TENT5C: variants seen among roughly 807,000 people sequenced by gnomAD.
TENT5C encodes the protein family with sequence similarity 46 member C.
TENT5C carries 5 observed loss-of-function variants against 22.2 expected under a neutral mutation model. That is an observed-to-expected ratio of 0.22 (90% CI 0.12 to 0.47). TENT5C has a LOEUF of 0.47. Ranked by LOEUF, TENT5C falls within the 20% of genes least tolerant of loss-of-function variation. The probability of loss-of-function intolerance (pLI) is 0.99; values close to 1 mark genes in which losing one functional copy is unlikely to be tolerated. For synonymous variants in TENT5C, 199 were observed against 195.4 expected (o/e 1.02, Z -0.15); for missense variants, 364 against 500.9 (o/e 0.73, Z 2.61).
rs775963518 is a variant in TENT5C, at chr1:117,625,189, T to C, written c.*1145T>C. 3 of 247,656 alleles carry C rather than the reference T, an allele frequency of 1.2e-5. No individual in the cohort carries two copies. The highest frequency in any genetic ancestry group is 2.5e-5 in the Non-Finnish European group (3 of 118,080). The allele number at this position is 247,656 out of a possible 1,614,324, so 15.3% of individuals were successfully genotyped here. On this transcript the variant is annotated 3_prime_UTR_variant, in exon 2 of 2. Coordinates refer to ENST00000369448, the MANE Select transcript of TENT5C (RefSeq NM_017709.4). ...ATTCAGGAATTTCGGTAGAACTGAG[T>C]GACCTGTGGAACTGCTTTAGAATCT...
chr1:117,623,351 C>T lies in TENT5C; in HGVS notation c.483C>T (p.Asn161=), dbSNP rs1627787. 385,359 of 1,613,894 alleles carry T rather than the reference C, an allele frequency of 0.24. 47,257 individuals carry two copies. Among genetic ancestry groups the T allele is most frequent in the Admixed American group, 0.33 (19,600 of 60,006 alleles). The change falls in exon 2 of 2, where the codon AAC becomes AAT. Residue 161 remains asparagine (N), a synonymous_variant. Transcript: ENST00000369448. ...GCCTGATCTCCCTCTCCAACAAGAACGGGAAGAACGTGGAGCTGAAGTTTG... is the reference window on the plus strand; with the variant it reads ...GCCTGATCTCCCTCTCCAACAAGAATGGGAAGAACGTGGAGCTGAAGTTTG... The part of the protein sequence containing the change: ...RWSLISLSNK[N]GKNVELKFVD...
At chr1:117,611,080 C>T (rs1293191044) in intron 1 of TENT5C, among the ~76,000 whole-genome samples, 1 of 152,186 alleles carries the variant, frequency 6.6e-6, no homozygotes, top group Non-Finnish European at 1.5e-5. Flanking sequence ...CCCCTGATCC[C>T]CAAACACACT....
chr1:117,624,156 T>A lies in TENT5C; in HGVS notation c.*112T>A. 1 of 843,174 alleles carries A rather than the reference T, an allele frequency of 1.2e-6. No homozygotes were observed. Among genetic ancestry groups the A allele is most frequent in the Non-Finnish European group, 1.8e-6 (1 of 553,430 alleles). The allele number at this position is 843,174 out of a possible 1,614,324, so 52.2% of individuals were successfully genotyped here. ...TGGCTTTTAAAGGGGAACTCAGCTCTGATTCTGCTTTTTTTTTTTTTTTTC... is the reference window on the plus strand; with the variant it reads ...TGGCTTTTAAAGGGGAACTCAGCTCAGATTCTGCTTTTTTTTTTTTTTTTC... On this transcript the variant is annotated 3_prime_UTR_variant, in exon 2 of 2. Coordinates refer to ENST00000369448, the MANE Select transcript of TENT5C (RefSeq NM_017709.4).
chr1:117,620,467 C>G (rs925962652), intron 1 of TENT5C, among the ~76,000 whole-genome samples: 8 of 152,132 alleles, frequency 5.3e-5, no homozygotes, highest in African/African-American at 1.9e-4. Flanking sequence ...ACCAACATAC[C>G]TGAAATCTAT....
rs1654053159 is a variant in TENT5C, at chr1:117,628,166, A to G, written c.*4122A>G. On this transcript the variant is annotated 3_prime_UTR_variant, in exon 2 of 2. Transcript: ENST00000369448. ...TTAATATAGATGAAAAATAGATACCAATTAGACTAAATTGAAAGCTTTTTG... is the reference window on the plus strand; with the variant it reads ...TTAATATAGATGAAAAATAGATACCGATTAGACTAAATTGAAAGCTTTTTG... 4.0e-6 allele frequency: 1 copy of G among 247,746 alleles called. No individual in the cohort carries two copies. Among genetic ancestry groups the G allele is most frequent in the African/African-American group, 2.2e-5 (1 of 45,346 alleles). 15.3% of individuals were successfully genotyped at this position (247,746 alleles called of 1,614,324 possible).
chr1:117,627,330 C>T lies in TENT5C; in HGVS notation c.*3286C>T, dbSNP rs1654034209. 4.0e-6 allele frequency: 1 copy of T among 248,048 alleles called. No homozygotes were observed. The highest frequency in any genetic ancestry group is 1.8e-4 in the South Asian group (1 of 5,528). The allele number at this position is 248,048 out of a possible 1,614,324, so 15.4% of individuals were successfully genotyped here. ...TCTTCAGCTTCACCTCTGCACTAAC[C>T]CCTTACCCTTATGGTACGTCAGGAT... On this transcript the variant is annotated 3_prime_UTR_variant, in exon 2 of 2. Transcript: ENST00000369448.
intron 1 of TENT5C, among the ~76,000 whole-genome samples, chr1:117,621,872 G>A (rs1420261774): frequency 2.6e-5 from 4 of 151,650 alleles, no homozygotes; most frequent in Non-Finnish European, 4.4e-5. Flanking sequence ...TTATTTTTTG[G>A]TAAGTATAAC....
At position 117,623,103 on chromosome 1, in the gene TENT5C, G is replaced by A. The variant is rs1211776583; in HGVS notation, c.235G>A (p.Val79Ile). The A allele has an allele frequency of 5.6e-6, 9 of 1,614,226 alleles. No homozygotes were observed. The highest frequency in any genetic ancestry group is 2.7e-5 in the African/African-American group (2 of 75,056). ...VRLNGSAAGH[V>I]LVKDNGLGCK... ...GCTGAATGGCTCCGCAGCTGGCCAC[G>A]TTTTGGTCAAAGACAATGGCTTGGG... The change falls in exon 2 of 2, where the codon GTT (valine) becomes ATT (isoleucine). Residue 79 changes from valine (V) to isoleucine (I), a missense_variant. Physicochemically the swap from Val to Ile is conservative, Grantham distance 29. This residue lies in a region of TENT5C where 303 missense variants were observed against 394.5 expected (regional missense o/e 0.77). Transcript: ENST00000369448.
At chr1:117,608,638 T>G (rs1653598478) in intron 1 of TENT5C, among the ~76,000 whole-genome samples, 1 of 152,212 alleles carries the variant, frequency 6.6e-6, no homozygotes, top group African/African-American at 2.4e-5. Context: ...AAACTTTTTT[T>G]GTTGTTTTTA....
intron 1 of TENT5C, among the ~76,000 whole-genome samples, chr1:117,611,612 A>G (rs971648219): frequency 6.6e-6 from 1 of 152,226 alleles, no homozygotes; most frequent in Non-Finnish European, 1.5e-5. Flanking sequence ...AGGCTGAGGC[A>G]GGAGGATCCC....
intron 1 of TENT5C, among the ~76,000 whole-genome samples, chr1:117,606,727 G>T (rs1238873976): frequency 6.6e-6 from 1 of 152,214 alleles, no homozygotes; most frequent in African/African-American, 2.4e-5. Flanking sequence ...TGGTTGGGGA[G>T]GGGAGGGGCG....
rs1653958963 is a variant in TENT5C at position 117,624,157 on chromosome 1, G to T, written c.*113G>T. ...GGCTTTTAAAGGGGAACTCAGCTCT[G>T]ATTCTGCTTTTTTTTTTTTTTTTCC... On this transcript the variant is annotated 3_prime_UTR_variant, in exon 2 of 2. Transcript: ENST00000369448. The T allele has an allele frequency of 1.3e-4, 97 of 757,798 alleles. No homozygotes were observed. Among genetic ancestry groups the T allele is most frequent in the Non-Finnish European group, 1.7e-4 (84 of 482,738 alleles). 46.9% of individuals were successfully genotyped at this position (757,798 alleles called of 1,614,324 possible). A position where few individuals can be genotyped will look rare whatever the true frequency, so the allele number is the denominator to read the frequency against.
At position 117,623,976 on chromosome 1, in the gene TENT5C, A is replaced by C; in HGVS notation, c.1108A>C (p.Asn370His). ...APYVSDGNFS[N>H]YYVAHPPVTY... ...TTACGTCAGTGATGGCAACTTCAGC[A>C]ACTACTACGTTGCCCATCCTCCAGT... The change falls in exon 2 of 2, where the codon AAC (asparagine) becomes CAC (histidine). Residue 370 changes from asparagine to histidine, a missense_variant. Around this residue, in one of 3 missense-constraint regions of TENT5C, gnomAD observed 54 missense variants for 76.5 expected, o/e 0.71. Coordinates refer to ENST00000369448, the MANE Select transcript of TENT5C (RefSeq NM_017709.4). The C allele has an allele frequency of 6.2e-7, 1 of 1,614,008 alleles. No homozygotes were observed. Among genetic ancestry groups the C allele is most frequent in the Non-Finnish European group, 8.5e-7 (1 of 1,179,998 alleles).
intron 1 of TENT5C, among the ~76,000 whole-genome samples, chr1:117,622,016 G>A (rs766710691): frequency 3.3e-5 from 5 of 152,156 alleles, no homozygotes; most frequent in African/African-American, 7.2e-5. Flanking sequence ...ACTTGAAGGC[G>A]CACACTGCCC....
intron 1 of TENT5C, among the ~76,000 whole-genome samples, chr1:117,615,775 C>T (rs1018106173): frequency 8.5e-5 from 13 of 152,204 alleles, no homozygotes; most frequent in African/African-American, 3.1e-4. Context: ...TGGCAGGGGG[C>T]ACCTCTAAGC....
Position 117,624,231 on chromosome 1 carries a change from C to A in TENT5C, c.*187C>A, listed in dbSNP as rs58044580. The A allele has an allele frequency of 0.059, 34,232 of 583,590 alleles. 2,127 individuals carry two copies. Among genetic ancestry groups the A allele is most frequent in the African/African-American group, 0.23 (12,021 of 52,368 alleles). 36.2% of individuals were successfully genotyped at this position (583,590 alleles called of 1,614,324 possible). Reference sequence around the variant, plus strand: ...CTACAGTGTATCATGAGCCAACCCTCAAAGGACCCGTATTACAGTGCCACG... The same window carrying A: ...CTACAGTGTATCATGAGCCAACCCTAAAAGGACCCGTATTACAGTGCCACG... On this transcript the variant is annotated 3_prime_UTR_variant, in exon 2 of 2. Transcript: ENST00000369448.
At chr1:117,612,347 CTTTTTTT>C (rs373447232) in intron 1 of TENT5C, among the ~76,000 whole-genome samples, 1 of 145,226 alleles carries the variant, frequency 6.9e-6, no homozygotes, top group Non-Finnish European at 1.5e-5. Context: ...GGTGCTCATT[CTTTTTTT>C]TTTTTTTTAT....
In TENT5C at chr1:117,626,554, G is replaced by C. The variant is rs1654017389; in HGVS notation, c.*2510G>C. 8.1e-6 allele frequency: 2 copies of C among 248,056 alleles called. No individual in the cohort carries two copies. Among genetic ancestry groups the C allele is most frequent in the South Asian group, 3.6e-4 (2 of 5,514 alleles). The allele number at this position is 248,056 out of a possible 1,614,324, so 15.4% of individuals were successfully genotyped here. ...CTAGTGATGTCTCTACTTGCTCTAT[G>C]AGCCTTTTGCCAGCCTCAGAATAGG... On this transcript the variant is annotated 3_prime_UTR_variant, in exon 2 of 2. Coordinates refer to ENST00000369448, the MANE Select transcript of TENT5C (RefSeq NM_017709.4).
At chr1:117,609,035 G>T (rs972520229) in intron 1 of TENT5C, among the ~76,000 whole-genome samples, 2 of 152,196 alleles carry the variant, frequency 1.3e-5, no homozygotes, top group African/African-American at 2.4e-5. Flanking sequence ...AATGCTTCCT[G>T]CCATCTTGGT....
Sources: allele counts gnomAD v4.1 joint callset (sites outside exome capture counted in the v4.1 genomes callset), GRCh38; gene constraint gnomAD v4.1.1; regional missense constraint gnomAD v4.1.1; transcripts MANE v1.5; gene names NCBI Gene and HGNC (gene_info 2026-07-23, HGNC 2026-07-21).